The following DTNA variants were observed in gnomAD, a reference collection of about 807,000 sequenced individuals.
The protein encoded by DTNA is dystrobrevin alpha.
In DTNA, 43 loss-of-function variants were observed where a neutral mutation model predicts 100.7. That is an observed-to-expected ratio of 0.43 (90% confidence interval 0.33 to 0.55). The LOEUF (loss-of-function observed/expected upper bound fraction) is 0.55, where lower values mean the gene tolerates loss of function less well. DTNA is among the 20% of genes least tolerant of loss of function. The probability of loss-of-function intolerance (pLI) is 0.04; values close to 1 mark genes in which losing one functional copy is unlikely to be tolerated. For missense variants in DTNA, 798 were observed against 953.9 expected, an observed-to-expected ratio of 0.84 and a Z score of 2.15; for synonymous variants, 349 against 347.9, an observed-to-expected ratio of 1.00 and a Z score of -0.04.
At chr18:34,500,277 C>A (rs1320307614) in intron 1 of DTNA, among the ~76,000 whole-genome samples, 1 of 151,644 alleles carries the variant, frequency 6.6e-6, no homozygotes, top group Non-Finnish European at 1.5e-5. Context: ...TATTACTAGA[C>A]TTACATATGA....
At chr18:34,821,968 C>T (rs531733813) in intron 9 of DTNA, among the ~76,000 whole-genome samples, 44 of 152,262 alleles carry the variant, frequency 2.9e-4, no homozygotes, top group Non-Finnish European at 4.1e-4. Context: ...TGTTGGGTCA[C>T]GTCTGTGAGC....
At chr18:34,735,959 C>T (rs2089485696) in intron 1 of DTNA, among the ~76,000 whole-genome samples, 1 of 152,174 alleles carries the variant, frequency 6.6e-6, no homozygotes, top group Non-Finnish European at 1.5e-5. Context: ...ACCCAACTCA[C>T]CCCCAGAGAC....
At chr18:34,653,996 C>T (rs964008873) in intron 1 of DTNA, among the ~76,000 whole-genome samples, 53 of 152,248 alleles carry the variant, frequency 3.5e-4, no homozygotes, top group African/African-American at 1.3e-3. Flanking sequence ...TCTTGTCAGC[C>T]ATTTCAGATA....
At chr18:34,594,935 A>G (rs565508286) in intron 1 of DTNA, among the ~76,000 whole-genome samples, 35 of 152,368 alleles carry the variant, frequency 2.3e-4, no homozygotes, top group African/African-American at 6.0e-4. Flanking sequence ...TTTAAAGTCA[A>G]TGTACTAAGT....
chr18:34,882,673 G>A (rs949069559), intron 21 of DTNA, among the ~76,000 whole-genome samples: 17 of 152,044 alleles, frequency 1.1e-4, no homozygotes, highest in Non-Finnish European at 2.5e-4. Context: ...CACTCTTATA[G>A]CTGTCACTCA....
chr18:34,546,660 G>T (rs927524911), intron 1 of DTNA, among the ~76,000 whole-genome samples: 1 of 152,132 alleles, frequency 6.6e-6, no homozygotes, highest in Non-Finnish European at 1.5e-5. Context: ...GTGACATTTT[G>T]TGGCTAAAAT....
chr18:34,514,556 A>C (rs1343666352), intron 1 of DTNA, among the ~76,000 whole-genome samples: 1 of 152,126 alleles, frequency 6.6e-6, no homozygotes. Flanking sequence ...GGGGTACTGA[A>C]GTGTGGCCAA....
upstream of DTNA, chr18:34,708,326 A>C (rs949512310): frequency 2.8e-4 from 43 of 152,326 alleles, no homozygotes; most frequent in African/African-American, 1.0e-3. Context: ...CTATGTATAT[A>C]ATTTATATTT....
intron 3 of DTNA, among the ~76,000 whole-genome samples, chr18:34,778,428 A>G (rs536283318): frequency 6.6e-6 from 1 of 152,314 alleles, no homozygotes; most frequent in East Asian, 1.9e-4. Flanking sequence ...AATGTATTCA[A>G]TGCTTTTTAA....
At chr18:34,533,662 T>A (rs1330710569) in intron 1 of DTNA, among the ~76,000 whole-genome samples, 1 of 151,638 alleles carries the variant, frequency 6.6e-6, no homozygotes, top group Admixed American at 6.6e-5. Context: ...AATAAAAAAA[T>A]ACATACACAG....
intron 17 of DTNA, among the ~76,000 whole-genome samples, chr18:34,873,106 T>G (rs1000201005): frequency 1.3e-5 from 2 of 152,188 alleles, no homozygotes. Context: ...TATTCAAATA[T>G]AAGATATTAC....
At chr18:34,838,916 G>T in intron 13 of DTNA, 79 bp downstream of exon 13, 2 of 1,287,558 alleles carry the variant, frequency 1.6e-6, no homozygotes, top group Non-Finnish European at 2.3e-6. Flanking sequence ...TCAGCAAGGA[G>T]CAAGGTCACT....
chr18:34,685,815 G>A (rs1470912606), intron 1 of DTNA, among the ~76,000 whole-genome samples: 1 of 152,034 alleles, frequency 6.6e-6, no homozygotes, highest in Non-Finnish European at 1.5e-5. Flanking sequence ...TTCTTTCCTT[G>A]AGCAGTGGTT....
chr18:34,805,666 GA>G (rs1476148209), intron 4 of DTNA, among the ~76,000 whole-genome samples: 2 of 151,662 alleles, frequency 1.3e-5, no homozygotes, highest in East Asian at 3.9e-4. Context: ...AGCTCTCTTT[GA>G]AAAGTAAATA....
chr18:34,517,883 A>G (rs2041804850), intron 1 of DTNA, among the ~76,000 whole-genome samples: 1 of 152,100 alleles, frequency 6.6e-6, no homozygotes, highest in Admixed American at 6.6e-5. Flanking sequence ...CCAGTTTTTG[A>G]ATATTATAAG....
In DTNA at chr18:34,670,803, T is replaced by C. The variant is rs550244928; in HGVS notation, c.-1-85173T>C. Among the ~76,000 whole-genome samples, 471 of 152,286 alleles carry C rather than the reference T, an allele frequency of 3.1e-3. 2 individuals are homozygous for C. The highest frequency in any genetic ancestry group is 0.011 in the African/African-American group (440 of 41,580). On this transcript the variant is annotated intron_variant, in intron 1 of 19. Coordinates refer to the DTNA transcript ENST00000283365. The stretch of plus-strand genomic sequence containing the variant: ...TGGAGGTTTTGTCTCAGAGGGGTAC[T>C]CAGCCGTGTGAGGTGTCAGTCTGCC...
At chr18:34,707,909 T>C, upstream of DTNA, among the ~76,000 whole-genome samples, 1 of 152,170 alleles carries the variant, frequency 6.6e-6, no homozygotes, top group East Asian at 1.9e-4. Context: ...GCTGAAGGAT[T>C]TTTCAAGGTT....
chr18:34,789,258 AAAAC>A (rs2094616093), intron 3 of DTNA, among the ~76,000 whole-genome samples: 1 of 152,208 alleles, frequency 6.6e-6, no homozygotes, highest in African/African-American at 2.4e-5. Flanking sequence ...TACTGGAACT[AAAAC>A]AATATGCTCC....
chr18:34,693,038 GAAT>G (rs1490174861), intron 1 of DTNA, among the ~76,000 whole-genome samples: 1 of 152,050 alleles, frequency 6.6e-6, no homozygotes, highest in East Asian at 1.9e-4. Context: ...CCATGCATAA[GAAT>G]AATAATGTAT....
Sources: gnomAD v4.1 joint callset for allele counts (sites outside exome capture counted in the v4.1 genomes callset) on GRCh38, gnomAD v4.1.1 for gene constraint, MANE v1.5 for transcripts, NCBI Gene and HGNC (gene_info 2026-07-23, HGNC 2026-07-21) for gene names.